FBXO34: variants seen among roughly 807,000 people sequenced by gnomAD.
FBXO34 encodes the protein F-box only protein 34.
FBXO34 carries 12 observed loss-of-function variants against 24.5 expected under a neutral mutation model. The observed-to-expected ratio is 0.49, with a 90% CI of 0.31 to 0.79. FBXO34 has a LOEUF of 0.79. Ranked by LOEUF, FBXO34 falls within the 30% of genes least tolerant of loss-of-function variation. The probability of loss-of-function intolerance (pLI) is 0.04; values close to 1 mark genes in which losing one functional copy is unlikely to be tolerated. For missense variants in FBXO34, 823 were observed against 857.7 expected (o/e 0.96, Z 0.51); for synonymous variants, 320 against 311.9 (o/e 1.03, Z -0.27).
intron 1 of FBXO34, among the ~76,000 whole-genome samples, chr14:55,272,798 A>C (rs1209747365): frequency 3.3e-5 from 5 of 152,110 alleles, no homozygotes; most frequent in Non-Finnish European, 4.4e-5. Context: ...TTGCTTTCTT[A>C]CTGAGACCCG....
the FBXO34 span, among the ~76,000 whole-genome samples, chr14:55,386,439 C>G: frequency 6.6e-6 from 1 of 152,190 alleles, no homozygotes; most frequent in Non-Finnish European, 1.5e-5. Flanking sequence ...GAAAAGAGAT[C>G]TAATTCAAGT....
the FBXO34 span, chr14:55,391,007 T>C: frequency 1.3e-6 from 2 of 1,583,564 alleles, no homozygotes; most frequent in Non-Finnish European, 1.7e-6. Context: ...AAAAAGCATG[T>C]AATAAATATC....
chr14:55,364,558 G>A (rs1884637894), downstream of FBXO34, among the ~76,000 whole-genome samples: 1 of 151,758 alleles, frequency 6.6e-6, no homozygotes, highest in Non-Finnish European at 1.5e-5. Context: ...TTGAGTAGCT[G>A]GAATTACAGG....
chr14:55,390,939 T>A, the FBXO34 span: 1 of 1,604,540 alleles, frequency 6.2e-7, no homozygotes, highest in Non-Finnish European at 8.5e-7. Flanking sequence ...TTCCTTTACA[T>A]ATTGTTTGTT....
At chr14:55,422,845 T>C in the FBXO34 span, among the ~76,000 whole-genome samples, 1 of 152,042 alleles carries the variant, frequency 6.6e-6, no homozygotes, top group African/African-American at 2.4e-5. Context: ...AGAGTGAGAC[T>C]CTGTCTCAAA....
chr14:55,351,243 A>G lies in FBXO34; in HGVS notation c.853A>G (p.Lys285Glu), dbSNP rs762642368. The change falls in exon 2 of 2, where the codon AAG becomes GAG. Residue 285 changes from lysine to glutamate, a missense_variant. This residue lies in a region of FBXO34 where 693 missense variants were observed against 659.1 expected (regional missense o/e 1.05). Transcript: ENST00000313833. The stretch of plus-strand genomic sequence containing the variant: ...AGTCCGTGTCCTTGACATGGTAGCC[A>G]AGTTGGAGTCTGAGTGCCTGAAGCG... ...EPVRVLDMVA[K>E]LESECLKRQG... is the part of the protein sequence containing the mutation. 2 of 1,614,058 alleles carry G rather than the reference A, an allele frequency of 1.2e-6. No homozygotes were observed.
Position 55,281,516 on chromosome 14 carries a change from T to G in FBXO34, c.-11+9979T>G, listed in dbSNP as rs549119444. 8.5e-5 allele frequency among the ~76,000 whole-genome samples: 13 copies of G among 152,342 alleles called. No individual in the cohort carries two copies. The South Asian group carries it at 2.1e-3, about 24-fold the overall frequency. ...TGTTACTCTCCAAATGAGAACCTGC[T>G]CTAGGTTTAGACGTCATAAGATAGT... On this transcript the variant is annotated intron_variant, in intron 1 of 1. Coordinates refer to ENST00000313833, the MANE Select transcript of FBXO34 (RefSeq NM_017943.4).
chr14:55,311,999 A>G (rs765284241), intron 1 of FBXO34, among the ~76,000 whole-genome samples: 4 of 152,152 alleles, frequency 2.6e-5, no homozygotes, highest in Non-Finnish European at 5.9e-5. Context: ...AAGGCGTTCG[A>G]GACCAGCCTG....
At chr14:55,325,525 G>T (rs1883310245) in intron 1 of FBXO34, among the ~76,000 whole-genome samples, 1 of 152,044 alleles carries the variant, frequency 6.6e-6, no homozygotes, top group South Asian at 2.1e-4. Flanking sequence ...GCCCAGGCTG[G>T]AGTGCAATGG....
intron 1 of FBXO34, among the ~76,000 whole-genome samples, chr14:55,279,176 A>G (rs562035340): frequency 1.3e-5 from 2 of 152,060 alleles, no homozygotes; most frequent in African/African-American, 2.4e-5. Context: ...AATCCCAGCT[A>G]CTTGGTAGGC....
At chr14:55,440,552 G>GC in the FBXO34 span, 2 of 1,586,552 alleles carry the variant, frequency 1.3e-6, no homozygotes, top group Non-Finnish European at 1.7e-6. Context: ...CCATTTATGA[G>GC]CCTGGGGGCA....
chr14:55,411,295 T>C, the FBXO34 span, among the ~76,000 whole-genome samples: 1 of 152,258 alleles, frequency 6.6e-6, no homozygotes, highest in African/African-American at 2.4e-5. Context: ...TCTAACTTAA[T>C]GGCAGCAACG....
At chr14:55,303,959 AC>A (rs1368034205) in intron 1 of FBXO34, among the ~76,000 whole-genome samples, 1 of 152,232 alleles carries the variant, frequency 6.6e-6, no homozygotes, top group African/African-American at 2.4e-5. Context: ...TTCACGACTT[AC>A]TGGGAAGCCC....
At chr14:55,422,500 C>T in the FBXO34 span, among the ~76,000 whole-genome samples, 1 of 152,164 alleles carries the variant, frequency 6.6e-6, no homozygotes, top group Non-Finnish European at 1.5e-5. Context: ...TCGCCTGCCT[C>T]GGCCTCCCGA....
At chr14:55,413,900 G>A in the FBXO34 span, 47 of 456,140 alleles carry the variant, frequency 1.0e-4, no homozygotes, top group Admixed American at 6.8e-5. Flanking sequence ...TAACATTTGC[G>A]GAGCACTCCT....
At chr14:55,346,237 G>A (rs1234439910) in intron 1 of FBXO34, among the ~76,000 whole-genome samples, 1 of 152,198 alleles carries the variant, frequency 6.6e-6, no homozygotes. Flanking sequence ...AAGCTGTCAG[G>A]TTGGCTGGAA....
chr14:55,408,097 A>G, the FBXO34 span, among the ~76,000 whole-genome samples: 1 of 152,198 alleles, frequency 6.6e-6, no homozygotes, highest in Admixed American at 6.5e-5. Context: ...TGTAATCACT[A>G]CTAGAAACCT....
At chr14:55,379,030 G>A in the FBXO34 span, among the ~76,000 whole-genome samples, 6 of 151,894 alleles carry the variant, frequency 4.0e-5, no homozygotes, top group South Asian at 2.1e-4. Flanking sequence ...CTGTTTTAAC[G>A]TTCTCCACAG....
At chr14:55,277,841 C>G (rs1881395363) in intron 1 of FBXO34, among the ~76,000 whole-genome samples, 1 of 152,050 alleles carries the variant, frequency 6.6e-6, no homozygotes, top group South Asian at 2.1e-4. Context: ...TTTTGTATAT[C>G]CCTTTTTACT....
Sources: gnomAD v4.1 joint callset for allele counts (sites outside exome capture counted in the v4.1 genomes callset) on GRCh38, gnomAD v4.1.1 for gene constraint, gnomAD v4.1.1 regional missense constraint, MANE v1.5 for transcripts, NCBI Gene and HGNC (gene_info 2026-07-23, HGNC 2026-07-21) for gene names.